DLGAP2: variants seen among roughly 807,000 people sequenced by gnomAD.
DLGAP2 encodes DLG associated protein 2.
A neutral mutation model predicts 100.3 loss-of-function variants in DLGAP2; 26 were observed. The ratio of observed to expected loss-of-function variants is 0.26; its 90% CI spans 0.19 to 0.36. DLGAP2 has a LOEUF of 0.36. DLGAP2 is among the 10% of genes least tolerant of loss of function. The pLI is 1.00. For missense variants in DLGAP2, 1,858 were observed against 1,453.2 expected (o/e 1.28, Z -4.53); for synonymous variants, 886 against 630.1 (o/e 1.41, Z -6.08).
intron 3 of DLGAP2, among the ~76,000 whole-genome samples, chr8:1,321,370 C>T (rs1047996272): frequency 1.4e-5 from 2 of 147,488 alleles, no homozygotes; most frequent in African/African-American, 5.0e-5. Flanking sequence ...GTACCATGTG[C>T]GTGCATGTGT....
intron 2 of DLGAP2, among the ~76,000 whole-genome samples, chr8:1,111,245 G>A (rs1193979865): frequency 6.6e-6 from 1 of 152,104 alleles, no homozygotes; most frequent in Non-Finnish European, 1.5e-5. Flanking sequence ...TCCTGTTGGC[G>A]CTCCCAGAGT....
chr8:1,324,701 A>G (rs749338864), intron 3 of DLGAP2, among the ~76,000 whole-genome samples: 3 of 152,186 alleles, frequency 2.0e-5, no homozygotes, highest in South Asian at 2.1e-4. Flanking sequence ...CCATTTCACA[A>G]TTCCTTAACT....
At chr8:1,589,820 A>G (rs923105377) in intron 6 of DLGAP2, among the ~76,000 whole-genome samples, 1 of 152,144 alleles carries the variant, frequency 6.6e-6, no homozygotes, top group Non-Finnish European at 1.5e-5. Flanking sequence ...AGGGTGAGGA[A>G]TGCGCATTTG....
At position 1,270,772 on chromosome 8, in the gene DLGAP2, C is replaced by G. The variant is rs151322149; in HGVS notation, c.106+11889C>G. ...TGTGTCTACCTCTCTCTGTGTGTCT[C>G]TCTGTGTGTGTCTACCTCTCTCTGT... On this transcript the variant is annotated intron_variant, in intron 3 of 14. Coordinates refer to ENST00000637795, the MANE Select transcript of DLGAP2 (RefSeq NM_001346810.2). 4.4e-4 allele frequency among the ~76,000 whole-genome samples: 67 copies of G among 150,974 alleles called. 1 individual carries two copies. The highest frequency in any genetic ancestry group is 1.9e-3 in the Admixed American group (29 of 15,138).
At position 1,668,464 on chromosome 8, in the gene DLGAP2, G is replaced by A. The variant is rs2130838389; in HGVS notation, c.1946G>A (p.Arg649Lys). The change falls in exon 9 of 15, where the codon AGG becomes AAG. Residue 649 changes from arginine (R) to lysine (K), a missense_variant. By Grantham distance (26) the Arg-to-Lys change is conservative. Coordinates refer to ENST00000637795, the MANE Select transcript of DLGAP2 (RefSeq NM_001346810.2). ...GCCTACCAGGACAGCCGCGCACAGA[G>A]GATGTCCCCGTGGCCCCAGGACAGC... ...QDAYQDSRAQ[R>K]MSPWPQDSRG... 6.3e-7 allele frequency: 1 copy of A among 1,594,980 alleles called. No homozygotes were observed. The highest frequency in any genetic ancestry group is 1.1e-5 in the South Asian group (1 of 87,794).
At chr8:1,601,692 C>T (rs1031767833) in intron 6 of DLGAP2, among the ~76,000 whole-genome samples, 2 of 152,110 alleles carry the variant, frequency 1.3e-5, no homozygotes, top group African/African-American at 4.8e-5. Context: ...ACAAACGTCT[C>T]CATTATGAGA....
chr8:1,245,171 G>A (rs931667124), intron 2 of DLGAP2, among the ~76,000 whole-genome samples: 1 of 152,192 alleles, frequency 6.6e-6, no homozygotes, highest in Non-Finnish European at 1.5e-5. Flanking sequence ...CAGCCACTTT[G>A]GAAAGTGAGG....
chr8:876,082 G>T (rs935349212), intron 1 of DLGAP2, among the ~76,000 whole-genome samples: 1 of 152,058 alleles, frequency 6.6e-6, no homozygotes, highest in African/African-American at 2.4e-5. Flanking sequence ...TGACAAATAT[G>T]TTACACATAT....
chr8:903,753 A>G (rs1251936379), intron 1 of DLGAP2, among the ~76,000 whole-genome samples: 1 of 152,218 alleles, frequency 6.6e-6, no homozygotes, highest in Non-Finnish European at 1.5e-5. Flanking sequence ...GATGGAGCCC[A>G]GCGCCTCCAG....
At chr8:1,276,515 A>G (rs1282590055) in intron 3 of DLGAP2, among the ~76,000 whole-genome samples, 1 of 152,050 alleles carries the variant, frequency 6.6e-6, no homozygotes, top group Non-Finnish European at 1.5e-5. Context: ...GTGTATCTTC[A>G]CATGTTCGGC....
At chr8:1,073,850 G>T (rs181985762) in intron 2 of DLGAP2, among the ~76,000 whole-genome samples, 56 of 152,374 alleles carry the variant, frequency 3.7e-4, no homozygotes, top group African/African-American at 1.3e-3. Flanking sequence ...GTCCAGGGGA[G>T]TAAGTTCTGA....
chr8:1,036,262 A>ACGTGTT (rs1802120088), intron 2 of DLGAP2, among the ~76,000 whole-genome samples: 1 of 150,418 alleles, frequency 6.6e-6, no homozygotes, highest in Admixed American at 6.6e-5. Context: ...TCCCGACCCC[A>ACGTGTT]CATGTTCACG....
At chr8:1,075,317 G>C (rs141001229) in intron 2 of DLGAP2, among the ~76,000 whole-genome samples, 1 of 152,168 alleles carries the variant, frequency 6.6e-6, no homozygotes, top group Non-Finnish European at 1.5e-5. Flanking sequence ...GAGAGCAGGC[G>C]ATGCGGATTG....
intron 6 of DLGAP2, among the ~76,000 whole-genome samples, chr8:1,624,878 T>A (rs556189404): frequency 6.6e-6 from 1 of 152,052 alleles, no homozygotes; most frequent in South Asian, 2.1e-4. Flanking sequence ...TGTCTCTCTC[T>A]CTCTCTCTTT....
At chr8:1,385,744 A>T (rs1305761372) in intron 3 of DLGAP2, among the ~76,000 whole-genome samples, 1 of 126,870 alleles carries the variant, frequency 7.9e-6, no homozygotes, top group Non-Finnish European at 1.6e-5. Context: ...GTGCACAGTT[A>T]CCCCGGCCTA....
In DLGAP2 at chr8:1,548,918, C is replaced by T. The variant is rs761257692; in HGVS notation, c.465C>T (p.His155=). The change falls in exon 5 of 15, where the codon CAC becomes CAT. Residue 155 remains histidine, a synonymous_variant. Transcript: ENST00000637795. ...CVMMPVVLGD[H]VSSSTFPRMH... is the part of the protein sequence containing the mutation. ...TGATGCCGGTGGTGCTGGGCGACCA[C>T]GTGTCCAGCAGCACCTTCCCGCGGA... 2 of 1,598,106 alleles carry T rather than the reference C, an allele frequency of 1.3e-6. No individual in the cohort carries two copies. The highest frequency in any genetic ancestry group is 1.7e-6 in the Non-Finnish European group (2 of 1,179,040).
At chr8:1,533,863 G>T (rs1007824734) in intron 4 of DLGAP2, among the ~76,000 whole-genome samples, 6 of 152,144 alleles carry the variant, frequency 3.9e-5, no homozygotes, top group Admixed American at 2.6e-4. Flanking sequence ...AGGCTGAGGT[G>T]GGAGGATTGC....
chr8:1,283,538 C>G (rs999600339), intron 3 of DLGAP2, among the ~76,000 whole-genome samples: 1 of 152,204 alleles, frequency 6.6e-6, no homozygotes, highest in Non-Finnish European at 1.5e-5. Flanking sequence ...TCCTTTCAGC[C>G]TTGGCACTCG....
At chr8:1,120,345 A>G (rs1237080621) in intron 2 of DLGAP2, among the ~76,000 whole-genome samples, 1 of 152,218 alleles carries the variant, frequency 6.6e-6, no homozygotes, top group Non-Finnish European at 1.5e-5. Flanking sequence ...AATGAGAACA[A>G]TACGAAGGGG....
Sources: gnomAD v4.1 joint callset for allele counts (sites outside exome capture counted in the v4.1 genomes callset) on GRCh38, gnomAD v4.1.1 for gene constraint, MANE v1.5 for transcripts, NCBI Gene and HGNC (gene_info 2026-07-23, HGNC 2026-07-21) for gene names.